SPON1: variants seen among roughly 807,000 people sequenced by gnomAD.
SPON1 encodes the protein spondin-1.
A neutral mutation model predicts 111.7 loss-of-function variants in SPON1; 52 were observed. That is an observed-to-expected ratio of 0.47 (90% confidence interval 0.37 to 0.59). SPON1 has a LOEUF of 0.59. Among genes scored for constraint, SPON1 ranks in the 20% least tolerant of loss-of-function variants. The pLI is 0.00. For missense variants in SPON1, 957 were observed against 1,068.5 expected, an observed-to-expected ratio of 0.90 and a Z score of 1.46; for synonymous variants, 410 against 395.8, an observed-to-expected ratio of 1.04 and a Z score of -0.43.
intron 3 of SPON1, among the ~76,000 whole-genome samples, chr11:14,048,046 C>A (rs1168636203): frequency 6.6e-6 from 1 of 152,106 alleles, no homozygotes; most frequent in Non-Finnish European, 1.5e-5. Context: ...TTGAGACCAG[C>A]CTGGCCAACA....
chr11:14,174,830 T>G (rs1356472877), intron 6 of SPON1, among the ~76,000 whole-genome samples: 1 of 152,088 alleles, frequency 6.6e-6, no homozygotes, highest in East Asian at 1.9e-4. Context: ...CATAGTGCTC[T>G]CTAAAAAAGA....
At chr11:14,014,857 T>C (rs1029674174) in intron 2 of SPON1, among the ~76,000 whole-genome samples, 19 of 152,242 alleles carry the variant, frequency 1.2e-4, no homozygotes, top group Non-Finnish European at 2.6e-4. Context: ...CATGCTATAA[T>C]ACAAAGATAC....
At chr11:14,232,460 C>T (rs1302265249) in intron 6 of SPON1, among the ~76,000 whole-genome samples, 1 of 152,190 alleles carries the variant, frequency 6.6e-6, no homozygotes, top group Non-Finnish European at 1.5e-5. Flanking sequence ...CTCTCTGGCT[C>T]ATGCCTGTAA....
At chr11:14,185,484 A>G (rs922208810) in intron 6 of SPON1, among the ~76,000 whole-genome samples, 6 of 152,230 alleles carry the variant, frequency 3.9e-5, no homozygotes, top group Non-Finnish European at 8.8e-5. Flanking sequence ...TTTTCCTGAA[A>G]AAACAATGGA....
At chr11:14,211,951 AG>A (rs2133902199) in intron 6 of SPON1, among the ~76,000 whole-genome samples, 1 of 152,266 alleles carries the variant, frequency 6.6e-6, no homozygotes, top group African/African-American at 2.4e-5. Flanking sequence ...TGAAAAAAAA[AG>A]CTTTTAATCT....
At chr11:14,226,236 C>T (rs1848737673) in intron 6 of SPON1, among the ~76,000 whole-genome samples, 1 of 152,142 alleles carries the variant, frequency 6.6e-6, no homozygotes, top group South Asian at 2.1e-4. Context: ...ATAGGAATGC[C>T]CTTTACACTG....
chr11:14,009,635 C>T (rs544058041), intron 2 of SPON1, among the ~76,000 whole-genome samples: 3 of 152,214 alleles, frequency 2.0e-5, no homozygotes, highest in Non-Finnish European at 4.4e-5. Flanking sequence ...TCCATTCAGA[C>T]TGCTATAACA....
chr11:14,165,362 T>G (rs1554931788), intron 6 of SPON1, among the ~76,000 whole-genome samples: 1 of 152,188 alleles, frequency 6.6e-6, no homozygotes, highest in East Asian at 1.9e-4. Context: ...TCACTCTGGC[T>G]TCTTTCTGCT....
chr11:13,972,927 T>A (rs1528652), intron 1 of SPON1, among the ~76,000 whole-genome samples: 31,457 of 151,898 alleles, frequency 0.21, 3,305 homozygotes, highest in Admixed American at 0.24. Flanking sequence ...GTGACTCAAA[T>A]GGGGTCATTC....
chr11:14,004,322 G>A (rs1848342775), intron 2 of SPON1, among the ~76,000 whole-genome samples: 1 of 152,196 alleles, frequency 6.6e-6, no homozygotes, highest in African/African-American at 2.4e-5. Context: ...GTCTTTATGA[G>A]GTAGTGAGTT....
chr11:14,230,318 A>T (rs1303109054), intron 6 of SPON1, among the ~76,000 whole-genome samples: 1 of 152,194 alleles, frequency 6.6e-6, no homozygotes, highest in Non-Finnish European at 1.5e-5. Context: ...TGATGAAGTG[A>T]AATGTTATTA....
At chr11:14,077,753 G>A (rs1344298494) in intron 4 of SPON1, among the ~76,000 whole-genome samples, 3 of 151,568 alleles carry the variant, frequency 2.0e-5, no homozygotes, top group Non-Finnish European at 4.4e-5. Context: ...CTAAAGTGCT[G>A]GAATTACAGG....
At chr11:14,229,873 G>C (rs1479423274) in intron 6 of SPON1, among the ~76,000 whole-genome samples, 4 of 152,096 alleles carry the variant, frequency 2.6e-5, no homozygotes, top group Non-Finnish European at 4.4e-5. Context: ...TTCACAGTCA[G>C]AGAAACTTCT....
chr11:13,964,435 G>T lies in SPON1; in HGVS notation c.238+1293G>T, dbSNP rs192733141. On this transcript the variant is annotated intron_variant, in intron 1 of 15. Transcript: ENST00000576479. ...AACACAGGAGAAAGTCTGGGGCAGC[G>T]TCAGCGGGCGCCAGGGTCACGCCGG... Among the ~76,000 whole-genome samples, 669 of 152,308 alleles carry T rather than the reference G, an allele frequency of 4.4e-3. 6 individuals are homozygous for T. Among genetic ancestry groups the T allele is most frequent in the Middle Eastern group, 0.017 (5 of 292 alleles).
chr11:14,017,311 A>G (rs1001688680), intron 2 of SPON1, among the ~76,000 whole-genome samples: 4 of 152,192 alleles, frequency 2.6e-5, no homozygotes, highest in Admixed American at 2.0e-4. Context: ...AAAGATCCCC[A>G]GCTCTTTAAT....
At position 13,963,120 on chromosome 11, in the gene SPON1, C is replaced by G; in HGVS notation, c.216C>G (p.Tyr72Ter). Residue 72 changes from tyrosine to a stop codon, truncating the protein, a stop_gained, in exon 1 of 16, where the codon TAC becomes TAG. Coordinates refer to ENST00000576479, the MANE Select transcript of SPON1 (RefSeq NM_006108.4). LOFTEE classifies it high-confidence loss of function. ...SLRVEGDPDF[Y>*]KPGTSYRVTL... ...GCGTGGAGGGCGACCCCGACTTCTA[C>G]AAGCCGGGAACCAGCTACCGCGGTA... The G allele has an allele frequency of 6.6e-7, 1 of 1,525,298 alleles. No individual in the cohort carries two copies. Among genetic ancestry groups the G allele is most frequent in the Non-Finnish European group, 8.8e-7 (1 of 1,136,086 alleles). 94.5% of individuals were successfully genotyped at this position (1,525,298 alleles called of 1,614,324 possible). A position where few individuals can be genotyped will look rare whatever the true frequency, so the allele number is the denominator to read the frequency against.
intron 6 of SPON1, among the ~76,000 whole-genome samples, chr11:14,159,756 A>T (rs1297375102): frequency 6.6e-6 from 1 of 152,148 alleles, no homozygotes; most frequent in South Asian, 2.1e-4. Context: ...ACTGGATATC[A>T]TTATGTTAAG....
intron 5 of SPON1, among the ~76,000 whole-genome samples, chr11:14,094,903 G>C (rs1591374124): frequency 1.3e-5 from 2 of 152,306 alleles, no homozygotes; most frequent in Middle Eastern, 6.8e-3. Context: ...GTGTGGCTTG[G>C]ACTGCAGCGG....
At chr11:14,008,897 A>G (rs1321948201) in intron 2 of SPON1, among the ~76,000 whole-genome samples, 1 of 152,188 alleles carries the variant, frequency 6.6e-6, no homozygotes, top group East Asian at 1.9e-4. Flanking sequence ...CCCCCTGGCC[A>G]ATCCATCACT....
Sources: allele counts gnomAD v4.1 joint callset (sites outside exome capture counted in the v4.1 genomes callset), GRCh38; gene constraint gnomAD v4.1.1; transcripts MANE v1.5; gene names NCBI Gene and HGNC (gene_info 2026-07-23, HGNC 2026-07-21).